The following BCAT1 variants were observed in gnomAD, a reference collection of about 807,000 sequenced individuals.
BCAT1 encodes branched-chain-amino-acid aminotransferase, cytosolic.
A neutral mutation model predicts 52.4 loss-of-function variants in BCAT1; 48 were observed. The ratio of observed to expected loss-of-function variants is 0.92; its 90% CI spans 0.73 to 1.16. BCAT1 has a LOEUF of 1.16. BCAT1 is among the 50% of genes most tolerant of loss of function. The pLI is 0.00. For missense variants in BCAT1, 451 were observed against 457.1 expected, an observed-to-expected ratio of 0.99 and a Z score of 0.12; for synonymous variants, 167 against 161.3, an observed-to-expected ratio of 1.04 and a Z score of -0.27.
At chr12:24,921,741 G>C (rs945655217) in intron 1 of BCAT1, among the ~76,000 whole-genome samples, 2 of 152,156 alleles carry the variant, frequency 1.3e-5, no homozygotes, top group Non-Finnish European at 2.9e-5. Flanking sequence ...AGATGGGTTG[G>C]TACCTTTTGT....
In BCAT1 at chr12:24,812,331, A is replaced by T. The variant is rs558616078; in HGVS notation, c.*5677T>A. On this transcript the variant is annotated 3_prime_UTR_variant, in exon 11 of 11. Transcript: ENST00000261192. ...AGTATCTCTAAGGGAAAAAAGTCACAATCTACTTCTTGTCTAAACTTATTA... is the reference window on the plus strand; with the variant it reads ...AGTATCTCTAAGGGAAAAAAGTCACTATCTACTTCTTGTCTAAACTTATTA... The T allele has an allele frequency of 1.3e-5, 2 of 152,112 alleles. No individual in the cohort carries two copies. The highest frequency in any genetic ancestry group is 3.9e-4 in the East Asian group (2 of 5,188). 9.4% of individuals were successfully genotyped at this position (152,112 alleles called of 1,614,324 possible). A position where few individuals can be genotyped will look rare whatever the true frequency, so the allele number is the denominator to read the frequency against.
Position 24,906,490 on chromosome 12 carries a change from A to C in BCAT1, c.7-4605T>G, listed in dbSNP as rs545758156. On this transcript the variant is annotated intron_variant, in intron 1 of 10. Transcript: ENST00000261192. ...GTGGTAACTGAAGCTATGGGTGCGA[A>C]AGAGAATCTCTATGTCAGTTTTCTC... 3.2e-3 allele frequency among the ~76,000 whole-genome samples: 263 copies of C among 82,366 alleles called. 3 individuals are homozygous for C. The highest frequency in any genetic ancestry group is 6.9e-3 in the East Asian group (23 of 3,338). The allele number at this position is 82,366 out of a possible 152,430, so 54.0% of individuals were successfully genotyped here.
At chr12:24,925,933 C>T (rs1406456701) in intron 1 of BCAT1, among the ~76,000 whole-genome samples, 1 of 152,218 alleles carries the variant, frequency 6.6e-6, no homozygotes, top group Non-Finnish European at 1.5e-5. Context: ...GTGATCTCGG[C>T]TCGCTACAAC....
At chr12:24,928,996 G>T (rs1366039065) in intron 1 of BCAT1, among the ~76,000 whole-genome samples, 1 of 151,964 alleles carries the variant, frequency 6.6e-6, no homozygotes, top group Non-Finnish European at 1.5e-5. Flanking sequence ...CCTGACCTCA[G>T]ATGATCTGCC....
At chr12:24,884,101 A>C (rs919798936) in intron 3 of BCAT1, among the ~76,000 whole-genome samples, 1 of 152,186 alleles carries the variant, frequency 6.6e-6, no homozygotes, top group Non-Finnish European at 1.5e-5. Flanking sequence ...AAGCAACCTA[A>C]CTGTCCATCA....
chr12:24,815,344 A>G lies in BCAT1; in HGVS notation c.*2664T>C, dbSNP rs1432280402. On this transcript the variant is annotated 3_prime_UTR_variant, in exon 11 of 11. Coordinates refer to ENST00000261192, the MANE Select transcript of BCAT1 (RefSeq NM_005504.7). ...TCTCATTTGATCAACCCAATTAAAC[A>G]TTAAATAATTGCAGCCAATTATGCA... The G allele has an allele frequency of 6.6e-6, 1 of 152,658 alleles. No individual in the cohort carries two copies. The highest frequency in any genetic ancestry group is 1.5e-5 in the Non-Finnish European group (1 of 68,038). The allele number at this position is 152,658 out of a possible 1,614,324, so 9.5% of individuals were successfully genotyped here. A position where few individuals can be genotyped will look rare whatever the true frequency, so the allele number is the denominator to read the frequency against.
intron 5 of BCAT1, among the ~76,000 whole-genome samples, chr12:24,859,711 C>T (rs796741405): frequency 1.3e-5 from 2 of 150,748 alleles, no homozygotes; most frequent in Non-Finnish European, 3.0e-5. Flanking sequence ...ACCTGGGATT[C>T]GATTTTATAA....
chr12:24,862,852 C>T (rs1378827763), intron 5 of BCAT1, among the ~76,000 whole-genome samples: 2 of 152,010 alleles, frequency 1.3e-5, no homozygotes, highest in East Asian at 1.9e-4. Context: ...CTAGTCCTAA[C>T]ATTTTGCATT....
At chr12:24,871,041 G>A (rs1430366814) in intron 5 of BCAT1, among the ~76,000 whole-genome samples, 2 of 151,944 alleles carry the variant, frequency 1.3e-5, no homozygotes, top group African/African-American at 4.8e-5. Flanking sequence ...AAAAAAAAAA[G>A]ATTGTTATCA....
intron 4 of BCAT1, among the ~76,000 whole-genome samples, chr12:24,879,095 A>G (rs1942426103): frequency 6.6e-6 from 1 of 152,232 alleles, no homozygotes; most frequent in Non-Finnish European, 1.5e-5. Flanking sequence ...ACTTTATTTA[A>G]AAAGTACAAA....
At position 24,810,139 on chromosome 12, in the gene BCAT1, T is replaced by C. The variant is rs1939636270; in HGVS notation, c.*7869A>G. ...TGGGTTTTGATCAACACTGTCGCGA[T>C]TGCATACAGACATAGCTAGAGAACA... On this transcript the variant is annotated 3_prime_UTR_variant, in exon 11 of 11. Transcript: ENST00000261192. 1 of 152,180 alleles carries C rather than the reference T, an allele frequency of 6.6e-6. No homozygotes were observed. Among genetic ancestry groups the C allele is most frequent in the African/African-American group, 2.4e-5 (1 of 41,430 alleles). 9.4% of individuals were successfully genotyped at this position (152,180 alleles called of 1,614,324 possible). A position where few individuals can be genotyped will look rare whatever the true frequency, so the allele number is the denominator to read the frequency against.
At chr12:24,919,987 G>C (rs892505757) in intron 1 of BCAT1, among the ~76,000 whole-genome samples, 4 of 152,048 alleles carry the variant, frequency 2.6e-5, no homozygotes, top group African/African-American at 9.7e-5. Flanking sequence ...ATGTGGAAAT[G>C]TGAGTCCATT....
intron 1 of BCAT1, among the ~76,000 whole-genome samples, chr12:24,915,012 C>T (rs563183316): frequency 6.6e-6 from 1 of 152,214 alleles, no homozygotes; most frequent in East Asian, 1.9e-4. Flanking sequence ...AACTTTTACC[C>T]ACAAAGATAA....
intron 1 of BCAT1, among the ~76,000 whole-genome samples, chr12:24,915,733 G>A (rs1024740831): frequency 1.3e-5 from 2 of 152,180 alleles, no homozygotes; most frequent in East Asian, 1.9e-4. Context: ...AGGAGATAAC[G>A]GCTTGCAACG....
At chr12:24,846,402 T>C (rs1941346232) in intron 6 of BCAT1, among the ~76,000 whole-genome samples, 1 of 152,318 alleles carries the variant, frequency 6.6e-6, no homozygotes, top group South Asian at 2.1e-4. Flanking sequence ...GTGCTGCCAA[T>C]ATTCATAAGA....
At chr12:24,897,813 G>C (rs1243452825) in intron 2 of BCAT1, among the ~76,000 whole-genome samples, 1 of 152,046 alleles carries the variant, frequency 6.6e-6, no homozygotes, top group African/African-American at 2.4e-5. Flanking sequence ...CTCGGCCTCT[G>C]AAAGTGCTGG....
At chr12:24,910,047 C>T (rs1943291857) in intron 1 of BCAT1, among the ~76,000 whole-genome samples, 5 of 152,086 alleles carry the variant, frequency 3.3e-5, no homozygotes, top group Admixed American at 3.3e-4. Context: ...CTCAGCCGGG[C>T]CCAGGCAATC....
At chr12:24,865,102 C>T (rs1381729183) in intron 5 of BCAT1, among the ~76,000 whole-genome samples, 1 of 152,192 alleles carries the variant, frequency 6.6e-6, no homozygotes, top group African/African-American at 2.4e-5. Context: ...CAGTTCTCCC[C>T]TTAAAGATGT....
At chr12:24,836,648 C>T in intron 7 of BCAT1, 52 bp from the exon 8 acceptor site, 1 of 1,424,176 alleles carries the variant, frequency 7.0e-7, no homozygotes, top group Non-Finnish European at 9.7e-7. Context: ...TTAGGCATGC[C>T]TTATTATCAA....
Sources: gnomAD v4.1 joint callset for allele counts (sites outside exome capture counted in the v4.1 genomes callset) on GRCh38, gnomAD v4.1.1 for gene constraint, MANE v1.5 for transcripts, NCBI Gene and HGNC (gene_info 2026-07-23, HGNC 2026-07-21) for gene names.